PDSS2: variants seen among roughly 807,000 people sequenced by gnomAD.
PDSS2 encodes the protein decaprenyl diphosphate synthase subunit 2.
A neutral mutation model predicts 44.5 loss-of-function variants in PDSS2; 31 were observed. The observed-to-expected ratio is 0.70, with a 90% CI of 0.52 to 0.94. PDSS2 has a LOEUF of 0.94. PDSS2 is among the 40% of genes least tolerant of loss of function. The probability of loss-of-function intolerance (pLI) is 0.00; values close to 1 mark genes in which losing one functional copy is unlikely to be tolerated. For synonymous variants in PDSS2, 157 were observed against 180.3 expected (o/e 0.87, Z 1.03); for missense variants, 452 against 482.2 (o/e 0.94, Z 0.59).
At chr6:107,431,075 T>C (rs1196780307) in intron 1 of PDSS2, among the ~76,000 whole-genome samples, 1 of 152,144 alleles carries the variant, frequency 6.6e-6, no homozygotes, top group African/African-American at 2.4e-5. Flanking sequence ...CACAACAAGA[T>C]AGGTATTATT....
intron 1 of PDSS2, among the ~76,000 whole-genome samples, chr6:107,411,161 C>CA (rs1780481201): frequency 6.6e-6 from 1 of 152,192 alleles, no homozygotes; most frequent in Non-Finnish European, 1.5e-5. Flanking sequence ...GCTGGGATTA[C>CA]AGGCGTGAGC....
chr6:107,288,179 A>G (rs1459605555), intron 2 of PDSS2, among the ~76,000 whole-genome samples: 1 of 152,206 alleles, frequency 6.6e-6, no homozygotes, highest in East Asian at 1.9e-4. Flanking sequence ...AGTGTACATT[A>G]CATAGTTTGG....
At chr6:107,376,439 C>G (rs1427466800) in intron 1 of PDSS2, among the ~76,000 whole-genome samples, 2 of 152,052 alleles carry the variant, frequency 1.3e-5, no homozygotes, top group African/African-American at 2.4e-5. Flanking sequence ...TTATTTCATT[C>G]AGCAGTGGTT....
At chr6:107,200,995 A>G (rs1317757311) in intron 6 of PDSS2, among the ~76,000 whole-genome samples, 1 of 152,090 alleles carries the variant, frequency 6.6e-6, no homozygotes, top group Non-Finnish European at 1.5e-5. Context: ...TAACTTTCTC[A>G]CAGGGGCCCA....
intron 4 of PDSS2, among the ~76,000 whole-genome samples, chr6:107,214,158 C>T (rs1246979984): frequency 2.0e-5 from 3 of 150,478 alleles, no homozygotes; most frequent in Non-Finnish European, 4.4e-5. Context: ...GGCTGGAGTG[C>T]AGTGGCGCGA....
intron 1 of PDSS2, among the ~76,000 whole-genome samples, chr6:107,395,230 G>C (rs185808998): frequency 1.3e-5 from 2 of 151,886 alleles, no homozygotes; most frequent in East Asian, 3.9e-4. Context: ...CTCTTTATCA[G>C]TTATTTTCAG....
At chr6:107,238,444 C>A (rs1292885150) in intron 4 of PDSS2, among the ~76,000 whole-genome samples, 3 of 152,156 alleles carry the variant, frequency 2.0e-5, no homozygotes, top group Non-Finnish European at 4.4e-5. Context: ...AAAGAGACAG[C>A]CCCATAGGGT....
At chr6:107,335,161 C>CAAAA (rs765731620) in intron 1 of PDSS2, among the ~76,000 whole-genome samples, 2 of 64,156 alleles carry the variant, frequency 3.1e-5, no homozygotes, top group Non-Finnish European at 6.4e-5. Flanking sequence ...ACTCTGTTTC[C>CAAAA]AAAAAAAAAA....
At chr6:107,226,706 G>A (rs1773835983) in intron 4 of PDSS2, among the ~76,000 whole-genome samples, 1 of 137,974 alleles carries the variant, frequency 7.2e-6, no homozygotes, top group Non-Finnish European at 1.5e-5. Flanking sequence ...GTCTCGTTCT[G>A]TCGCCCAGGC....
chr6:107,377,846 T>C (rs1256558440), intron 1 of PDSS2, among the ~76,000 whole-genome samples: 1 of 150,078 alleles, frequency 6.7e-6, no homozygotes, highest in African/African-American at 2.5e-5. Flanking sequence ...TGAGAACACA[T>C]GGACACAGGA....
At chr6:107,232,195 T>C (rs1261604855) in intron 4 of PDSS2, among the ~76,000 whole-genome samples, 2 of 152,190 alleles carry the variant, frequency 1.3e-5, no homozygotes, top group African/African-American at 4.8e-5. Context: ...TTAGATTTAC[T>C]TGAACCTGTG....
At chr6:107,432,401 A>C (rs1781218641) in intron 1 of PDSS2, among the ~76,000 whole-genome samples, 1 of 152,214 alleles carries the variant, frequency 6.6e-6, no homozygotes, top group Non-Finnish European at 1.5e-5. Flanking sequence ...TTGATGCATG[A>C]TATTTCTCAA....
chr6:107,272,925 T>G (rs566285261), intron 3 of PDSS2, among the ~76,000 whole-genome samples: 1 of 151,828 alleles, frequency 6.6e-6, no homozygotes, highest in Admixed American at 6.5e-5. Flanking sequence ...GCTACTGCAC[T>G]TTATTTATTT....
At position 107,426,171 on chromosome 6, in the gene PDSS2, C is replaced by T. The variant is rs111701908; in HGVS notation, c.296+32819G>A. On this transcript the variant is annotated intron_variant, in intron 1 of 7. Coordinates refer to ENST00000369037, the MANE Select transcript of PDSS2 (RefSeq NM_020381.4). ...TTTATGGACCAGGCCCAGGGTCCCT[C>T]CGCTGTGTAGTCTAGGGACTTGGTC... Among the ~76,000 whole-genome samples the T allele has an allele frequency of 1.7e-3, 259 of 152,250 alleles. 1 individual carries two copies. The highest frequency in any genetic ancestry group is 6.0e-3 in the African/African-American group (251 of 41,546).
intron 7 of PDSS2, among the ~76,000 whole-genome samples, chr6:107,185,151 AAGAAGG>A (rs1208899501): frequency 0.017 from 2,490 of 150,802 alleles, 68 homozygotes; most frequent in African/African-American, 0.057. Flanking sequence ...AAAGAAGAAG[AAGAAGG>A]AGAAGGAGAA....
intron 2 of PDSS2, among the ~76,000 whole-genome samples, chr6:107,332,573 CA>C (rs1285697330): frequency 6.6e-6 from 1 of 151,210 alleles, no homozygotes; most frequent in Non-Finnish European, 1.5e-5. Context: ...AACTGAAATA[CA>C]TATATATTTT....
chr6:107,348,759 A>G (rs17270638), intron 1 of PDSS2, among the ~76,000 whole-genome samples: 24,090 of 152,230 alleles, frequency 0.16, 2,030 homozygotes, highest in South Asian at 0.2. Flanking sequence ...TACACCAGCG[A>G]CTCAATGTTG....
At chr6:107,439,040 G>A (rs1781438079) in intron 1 of PDSS2, among the ~76,000 whole-genome samples, 1 of 152,162 alleles carries the variant, frequency 6.6e-6, no homozygotes, top group Admixed American at 6.5e-5. Context: ...TTTCTAAGGG[G>A]TGAGTTTTCT....
At chr6:107,403,811 T>A (rs1249939222) in intron 1 of PDSS2, among the ~76,000 whole-genome samples, 3 of 152,252 alleles carry the variant, frequency 2.0e-5, no homozygotes, top group Admixed American at 6.5e-5. Flanking sequence ...TGGACCAGGC[T>A]CAAGAAACCA....
Sources: allele counts gnomAD v4.1 joint callset (sites outside exome capture counted in the v4.1 genomes callset), GRCh38; gene constraint gnomAD v4.1.1; transcripts MANE v1.5; gene names NCBI Gene and HGNC (gene_info 2026-07-23, HGNC 2026-07-21).